The following TNFSF14 variants were observed in gnomAD, a reference collection of about 807,000 sequenced individuals.
TNFSF14 encodes tumor necrosis factor ligand superfamily member 14.
In TNFSF14, 15 loss-of-function variants were observed where a neutral mutation model predicts 22.7. The ratio of observed to expected loss-of-function variants is 0.66; its 90% CI spans 0.44 to 1.02. The LOEUF (loss-of-function observed/expected upper bound fraction) is 1.02. TNFSF14 is among the 50% of genes least tolerant of loss of function. TNFSF14 has a pLI of 0.00. For missense variants in TNFSF14, 287 were observed against 326.2 expected (o/e 0.88, Z 0.93); for synonymous variants, 133 against 139.6 (o/e 0.95, Z 0.33).
At chr19:6,668,168 C>T (rs542946090) in intron 1 of TNFSF14, among the ~76,000 whole-genome samples, 30 of 150,774 alleles carry the variant, frequency 2.0e-4, no homozygotes, top group Non-Finnish European at 4.1e-4. Context: ...TTAAGACCAG[C>T]CTGGGCAACA....
chr19:6,670,178 G>A, upstream of TNFSF14: 1 of 1,498,072 alleles, frequency 6.7e-7, no homozygotes, highest in Non-Finnish European at 8.9e-7. Flanking sequence ...GGCACCCGTG[G>A]GCCGCCTTTA....
Position 6,665,184 on chromosome 19 carries a change from CG to C in TNFSF14, c.464del (p.Pro155ArgfsTer98). 1 of 1,614,118 alleles carries C rather than the reference CG, an allele frequency of 6.2e-7. No homozygotes were observed. Among genetic ancestry groups the C allele is most frequent in the Non-Finnish European group, 8.5e-7 (1 of 1,180,010 alleles). ...GGGTGATGGTGCTGGCCAGGCCCAG[CG>C]GGCAGCCCACACCGCCCAGCTGCAC... ...SKVQLGGVGCPLGLASTITHG... is the reference protein window; with the variant it reads ...SKVQLGGVGCXLGLASTITHG... On this transcript the variant is annotated frameshift_variant, in exon 4 of 4. Transcript: ENST00000675206. LOFTEE classifies it high-confidence loss of function.
Position 6,663,729 on chromosome 19 carries a change from C to T in TNFSF14, c.*1197G>A, listed in dbSNP as rs1039711782. ...GTGGTTGTGCATGAATCTGGCACTT[C>T]GCGTGTATGAGTCTATAGTTGTGAA... On this transcript the variant is annotated 3_prime_UTR_variant, in exon 4 of 4. Transcript: ENST00000675206. 21 of 152,376 alleles carry T rather than the reference C, an allele frequency of 1.4e-4. No individual in the cohort carries two copies. The highest frequency in any genetic ancestry group is 3.6e-4 in the African/African-American group (15 of 41,404). 9.4% of individuals were successfully genotyped at this position (152,376 alleles called of 1,614,324 possible).
intron 3 of TNFSF14, 122 bp from the exon 4 acceptor site, chr19:6,665,472 G>C (rs1018066602): frequency 9.0e-7 from 1 of 1,112,072 alleles, no homozygotes; most frequent in African/African-American, 1.6e-5. Flanking sequence ...GTGGTGGCAT[G>C]ATCTCGGCTT....
chr19:6,670,518 G>A (rs3760746), upstream of TNFSF14: 80,232 of 165,788 alleles, frequency 0.48, 20,400 homozygotes, highest in South Asian at 0.65. Flanking sequence ...AAGAAACCTC[G>A]TAAACAAGAA....
At position 6,669,936 on chromosome 19, in the gene TNFSF14, A is replaced by G. The variant is rs757186501; in HGVS notation, c.134T>C (p.Leu45Ser). The G allele has an allele frequency of 6.4e-5, 103 of 1,613,820 alleles. No homozygotes were observed. Among genetic ancestry groups the G allele is most frequent in the Non-Finnish European group, 8.5e-5 (100 of 1,179,994 alleles). ...GACGGCCAGCCCGGCCCCCATCAGC[A>G]ACAGCAAGAGACCCAGACCCACCCG... ...VARVGLGLLL[L>S]LMGAGLAVQG... is the part of the protein sequence containing the mutation. The change falls in exon 1 of 4, where the codon TTG becomes TCG. Residue 45 changes from leucine (L) to serine (S), a missense_variant. Physicochemically the swap from Leu to Ser is moderately radical, Grantham distance 145 (BLOSUM62 -2). Transcript: ENST00000675206.
intron 3 of TNFSF14, among the ~76,000 whole-genome samples, chr19:6,665,834 G>C (rs1193114282): frequency 6.6e-6 from 1 of 150,428 alleles, no homozygotes; most frequent in Non-Finnish European, 1.5e-5. Context: ...TAGAGGTGGG[G>C]GTCTCACAAT....
Position 6,669,891 on chromosome 19 carries a change from T to C in TNFSF14, c.179A>G (p.Gln60Arg), listed in dbSNP as rs762360635. The C allele has an allele frequency of 6.2e-6, 10 of 1,613,494 alleles. No homozygotes were observed. The highest frequency in any genetic ancestry group is 4.2e-6 in the Non-Finnish European group (5 of 1,179,974). The change falls in exon 1 of 4, where the codon CAG becomes CGG. Residue 60 changes from glutamine to arginine, a missense_variant. Coordinates refer to ENST00000675206, the MANE Select transcript of TNFSF14 (RefSeq NM_001376887.1). ...CATCTCTCCTAGACGCCAGTGCAGC[T>C]GCAGGAGGAACCAGCCTTGGACGGC... ...GLAVQGWFLL[Q>R]LHWRLGEMVT...
At position 6,668,351 on chromosome 19, in the gene TNFSF14, A is replaced by G. The variant is rs1202569332; in HGVS notation, c.220-902T>C. Among the ~76,000 whole-genome samples the G allele has an allele frequency of 3.9e-5, 6 of 152,198 alleles. No individual in the cohort carries two copies. The East Asian group carries it at 1.2e-3, about 29-fold the overall frequency. On this transcript the variant is annotated intron_variant, in intron 1 of 3. Transcript: ENST00000675206. The stretch of plus-strand genomic sequence containing the variant: ...CCACTCTAGCCTGGGAAGCAGAGTG[A>G]GACACAGTCTCTAAGATAAATAAAT...
At chr19:6,670,191 G>T, upstream of TNFSF14, 1 of 1,481,238 alleles carries the variant, frequency 6.8e-7, no homozygotes, top group Middle Eastern at 2.1e-4. Context: ...CGCCTTTAGA[G>T]CTGGGGTTCA....
intron 3 of TNFSF14, among the ~76,000 whole-genome samples, chr19:6,665,635 C>A (rs1917397652): frequency 6.6e-6 from 1 of 152,108 alleles, no homozygotes; most frequent in Non-Finnish European, 1.5e-5. Context: ...TCTTGAACTC[C>A]TGACTTCAGG....
Position 6,666,396 on chromosome 19 carries a change from C to CAAA in TNFSF14, c.298+714_298+716dup, listed in dbSNP as rs5826941. Among the ~76,000 whole-genome samples the CAAA allele has an allele frequency of 2.5e-3, 315 of 128,076 alleles. 3 individuals carry two copies. Among genetic ancestry groups the CAAA allele is most frequent in the Middle Eastern group, 8.1e-3 (2 of 248 alleles). The allele number at this position is 128,076 out of a possible 152,430, so 84.0% of individuals were successfully genotyped here. A position where few individuals can be genotyped will look rare whatever the true frequency, so the allele number is the denominator to read the frequency against. On this transcript the variant is annotated intron_variant, in intron 3 of 3. Transcript: ENST00000675206. ...TAGTTGACAGAGTAAGACCCTGTCT[C>CAAA]AAAAAAAAAAAAAAAAAATGTCCAA...
chr19:6,668,827 G>A (rs2145377236), intron 1 of TNFSF14, among the ~76,000 whole-genome samples: 1 of 152,346 alleles, frequency 6.6e-6, no homozygotes, highest in East Asian at 1.9e-4. Context: ...GACACATGTG[G>A]GCTCAGATGC....
Position 6,664,859 on chromosome 19 carries a change from T to C in TNFSF14, c.*67A>G, listed in dbSNP as rs1328246606. 2.0e-6 allele frequency: 3 copies of C among 1,510,832 alleles called. No homozygotes were observed. Among genetic ancestry groups the C allele is most frequent in the Non-Finnish European group, 1.8e-6 (2 of 1,128,178 alleles). 93.6% of individuals were successfully genotyped at this position (1,510,832 alleles called of 1,614,324 possible). On this transcript the variant is annotated 3_prime_UTR_variant, in exon 4 of 4. Coordinates refer to ENST00000675206, the MANE Select transcript of TNFSF14 (RefSeq NM_001376887.1). The surrounding 1 kb of genome is among the most constrained non-coding windows in gnomAD (Gnocchi z 4.7). ...CCAGCCTCTGCTTCGTGAGTTTTCT[T>C]TCCCCTGAGGCACCCTCTGAGTTCT...
At chr19:6,666,238 C>A (rs1223723562) in intron 3 of TNFSF14, among the ~76,000 whole-genome samples, 5 of 150,996 alleles carry the variant, frequency 3.3e-5, no homozygotes, top group African/African-American at 1.2e-4. Flanking sequence ...CCTGTCTCTA[C>A]AAAAAACAAA....
chr19:6,664,972 C>T lies in TNFSF14; in HGVS notation c.677G>A (p.Arg226Gln), dbSNP rs754780409. The T allele has an allele frequency of 1.2e-5, 19 of 1,610,564 alleles. No homozygotes were observed. The highest frequency in any genetic ancestry group is 1.6e-4 in the Middle Eastern group (1 of 6,074). ...GTAAGACCGGGTACCATCACGCAGTCGAACCAGGCGTTCATCCAGCACACG... is the reference window on the plus strand; with the variant it reads ...GTAAGACCGGGTACCATCACGCAGTTGAACCAGGCGTTCATCCAGCACACG... ...VVRVLDERLV[R>Q]LRDGTRSYFG... Residue 226 changes from arginine to glutamine, a missense_variant, in exon 4 of 4, where the codon CGA becomes CAA. Transcript: ENST00000675206. The surrounding 1 kb of genome is among the most constrained non-coding windows in gnomAD (Gnocchi z 4.7).
chr19:6,667,225 C>T (rs978082098), intron 2 of TNFSF14, 71 bp from the exon 3 acceptor site: 21 of 1,473,272 alleles, frequency 1.4e-5, no homozygotes, highest in East Asian at 2.6e-5. Context: ...AAAGGGCCAC[C>T]GTGTACACCT....
chr19:6,665,320 C>A lies in TNFSF14; in HGVS notation c.329G>T (p.Gly110Val), dbSNP rs568754216. 6.3e-7 allele frequency: 1 copy of A among 1,598,016 alleles called. No homozygotes were observed. Reference protein sequence around the residue: ...GANSSLTGSGGPLLWETQLGL... With the variant: ...GANSSLTGSGVPLLWETQLGL... ...CAGCTGAGTCTCCCATAACAGCGGC[C>A]CCCCGCTGCCGGTCAAGCTGGAGTT... The change falls in exon 4 of 4, where the codon GGG becomes GTG. Residue 110 changes from glycine (G) to valine (V), a missense_variant. Gly to Val is a moderately radical substitution (Grantham distance 109). Transcript: ENST00000675206.
At position 6,669,863 on chromosome 19, in the gene TNFSF14, G is replaced by T; in HGVS notation, c.207C>A (p.Val69=). ...CGGTCCCACTCACAGGCAGGCGGGT[G>T]ACCATCTCTCCTAGACGCCAGTGCA... ...LQLHWRLGEM[V]TRLPDGPAGS... is the part of the protein sequence containing the mutation. Residue 69 remains valine (V), a synonymous_variant, in exon 1 of 4, where the codon GTC becomes GTA. Transcript: ENST00000675206. 6.2e-7 allele frequency: 1 copy of T among 1,612,034 alleles called. No individual in the cohort carries two copies. Among genetic ancestry groups the T allele is most frequent in the South Asian group, 1.1e-5 (1 of 91,012 alleles).
Sources: allele counts gnomAD v4.1 joint callset (sites outside exome capture counted in the v4.1 genomes callset), GRCh38; gene constraint gnomAD v4.1.1; non-coding constraint Gnocchi (gnomAD v3.1); transcripts MANE v1.5; gene names NCBI Gene and HGNC (gene_info 2026-07-23, HGNC 2026-07-21).